Variants in SDAD1 observed in about 807,000 individuals in gnomAD.
SDAD1 encodes the protein SDA1 domain containing 1.
Under a neutral mutation model 100.3 loss-of-function variants are expected in SDAD1, and 79 were observed. The observed-to-expected ratio is 0.79, with a 90% CI of 0.66 to 0.95. SDAD1 has a LOEUF of 0.95. Among genes scored for constraint, SDAD1 ranks in the 40% least tolerant of loss-of-function variants. SDAD1 has a pLI of 0.00. For missense variants in SDAD1, 790 were observed against 810.9 expected, an observed-to-expected ratio of 0.97 and a Z score of 0.31; for synonymous variants, 267 against 271.4, an observed-to-expected ratio of 0.98 and a Z score of 0.16.
intron 16 of SDAD1, among the ~76,000 whole-genome samples, chr4:75,960,517 C>T (rs1341827588): frequency 6.6e-6 from 1 of 152,154 alleles, no homozygotes; most frequent in East Asian, 1.9e-4. Flanking sequence ...TTGCTTATGT[C>T]TCAGGTCAAA....
intron 21 of SDAD1, among the ~76,000 whole-genome samples, chr4:75,953,549 C>A (rs1728725498): frequency 1.3e-5 from 2 of 152,210 alleles, no homozygotes; most frequent in African/African-American, 2.4e-5. Context: ...TCAACAGCTT[C>A]TATTAAAAAT....
At chr4:75,990,277 C>CAA (rs1731166635) in intron 1 of SDAD1, among the ~76,000 whole-genome samples, 2 of 69,998 alleles carry the variant, frequency 2.9e-5, no homozygotes, top group African/African-American at 1.2e-4. Context: ...TTGAGAAACC[C>CAA]CCCCCCCCCC....
intron 7 of SDAD1, among the ~76,000 whole-genome samples, chr4:75,973,603 C>G (rs1188461301): frequency 6.6e-6 from 1 of 152,044 alleles, no homozygotes; most frequent in Non-Finnish European, 1.5e-5. Context: ...AACTGCTAGG[C>G]TCTATATAGT....
intron 3 of SDAD1, 130 bp from the exon 4 acceptor site, chr4:75,977,886 T>G (rs1026968503): frequency 3.3e-5 from 20 of 609,398 alleles, no homozygotes; most frequent in Non-Finnish European, 5.8e-5. Context: ...GAATAGTCAG[T>G]CTCTGCCTTC....
At chr4:75,968,490 TG>T (rs1729678507) in intron 11 of SDAD1, among the ~76,000 whole-genome samples, 1 of 152,190 alleles carries the variant, frequency 6.6e-6, no homozygotes, top group African/African-American at 2.4e-5. Context: ...CTTAAATTTC[TG>T]GGTATCTCTT....
chr4:75,955,488 G>A (rs1376320415), intron 21 of SDAD1, among the ~76,000 whole-genome samples: 1 of 152,184 alleles, frequency 6.6e-6, no homozygotes, highest in Non-Finnish European at 1.5e-5. Flanking sequence ...GGGAGGTCGA[G>A]GCTGCAGTGA....
intron 8 of SDAD1, among the ~76,000 whole-genome samples, chr4:75,972,595 G>A (rs187016468): frequency 6.7e-6 from 1 of 149,674 alleles, no homozygotes; most frequent in Non-Finnish European, 1.5e-5. Context: ...TTTAAAAGAC[G>A]TTATCACATA....
intron 1 of SDAD1, among the ~76,000 whole-genome samples, chr4:75,983,799 C>T (rs1228206190): frequency 3.3e-5 from 5 of 152,232 alleles, no homozygotes; most frequent in African/African-American, 1.2e-4. Flanking sequence ...TTAATTAGAT[C>T]CCATTTGTCA....
intron 13 of SDAD1, 131 bp downstream of exon 13, chr4:75,965,633 C>A (rs141507398): frequency 2.7e-6 from 2 of 754,434 alleles, no homozygotes; most frequent in Non-Finnish European, 4.7e-6. Flanking sequence ...TTTCTCAGAC[C>A]ATCTGACAAG....
intron 20 of SDAD1, 39 bp from the exon 21 acceptor site, chr4:75,956,175 C>T: frequency 6.4e-7 from 1 of 1,571,558 alleles, no homozygotes; most frequent in Non-Finnish European, 8.6e-7. Context: ...TCTTCAACAA[C>T]ATACTTTAGG....
intron 1 of SDAD1, 54 bp from the exon 2 acceptor site, chr4:75,982,091 T>C (rs1730559276): frequency 9.5e-7 from 1 of 1,052,922 alleles, no homozygotes; most frequent in Non-Finnish European, 1.4e-6. Context: ...ACTTTCTCAG[T>C]ACAGACATTC....
chr4:75,973,237 T>G (rs1014752434), intron 8 of SDAD1, 80 bp downstream of exon 8: 45 of 1,127,990 alleles, frequency 4.0e-5, no homozygotes, highest in Non-Finnish European at 5.8e-5. Flanking sequence ...CTTTCTAACT[T>G]CAGCAGTCAT....
At chr4:75,958,312 CAACT>C (rs1314975608) in intron 17 of SDAD1, among the ~76,000 whole-genome samples, 8 of 152,146 alleles carry the variant, frequency 5.3e-5, no homozygotes, top group African/African-American at 1.7e-4. Context: ...TCAACTAAAC[CAACT>C]GTGTCCATCA....
rs201695127 is a variant in SDAD1, at chr4:75,979,478, TA to T, written c.295-1723del. On this transcript the variant is annotated intron_variant, in intron 3 of 21. Coordinates refer to ENST00000356260, the MANE Select transcript of SDAD1 (RefSeq NM_018115.4). ...TAAAGGAAATCTCTATTATTATTATTATTTTTTTTTTTTGAGACAGAGGCTG... is the reference window on the plus strand; with the variant it reads ...TAAAGGAAATCTCTATTATTATTATTTTTTTTTTTTTTGAGACAGAGGCTG... Among the ~76,000 whole-genome samples, 363 of 151,470 alleles carry T rather than the reference TA, an allele frequency of 2.4e-3. 2 individuals carry two copies. Among genetic ancestry groups the T allele is most frequent in the African/African-American group, 7.6e-3 (316 of 41,402 alleles).
intron 21 of SDAD1, among the ~76,000 whole-genome samples, chr4:75,954,525 T>C (rs980871381): frequency 6.6e-6 from 1 of 151,954 alleles, no homozygotes; most frequent in Non-Finnish European, 1.5e-5. Flanking sequence ...ATACAAAAAT[T>C]AGCCGGGTGT....
chr4:75,955,344 AC>A (rs11374736), intron 21 of SDAD1, among the ~76,000 whole-genome samples: 2 of 152,018 alleles, frequency 1.3e-5, no homozygotes, highest in South Asian at 2.1e-4. Context: ...GAAGGCGGTG[AC>A]CCCCCTGGAC....
intron 1 of SDAD1, among the ~76,000 whole-genome samples, chr4:75,989,550 C>T (rs1008464581): frequency 6.6e-6 from 1 of 152,224 alleles, no homozygotes; most frequent in East Asian, 1.9e-4. Flanking sequence ...GTAGTTATTA[C>T]CCCCTTCTTA....
intron 14 of SDAD1, among the ~76,000 whole-genome samples, chr4:75,963,726 T>A (rs1226361693): frequency 6.6e-6 from 1 of 152,116 alleles, no homozygotes; most frequent in African/African-American, 2.4e-5. Context: ...CTTCTGCCAA[T>A]GATGCAGCAA....
At position 75,953,082 on chromosome 4, in the gene SDAD1, G is replaced by C. The variant is rs555919648; in HGVS notation, c.2017-2285C>G. On this transcript the variant is annotated intron_variant, in intron 21 of 21. Transcript: ENST00000356260. ...TCTTGAAGAAAATACAGGGCAAAGG[G>C]ACACACATAGAAATTCTGATTAATA... Among the ~76,000 whole-genome samples the C allele has an allele frequency of 3.3e-5, 5 of 152,214 alleles. No homozygotes were observed. The East Asian group carries it at 9.6e-4, about 29-fold the overall frequency.
Sources: allele counts gnomAD v4.1 joint callset (sites outside exome capture counted in the v4.1 genomes callset), GRCh38; gene constraint gnomAD v4.1.1; transcripts MANE v1.5; gene names NCBI Gene and HGNC (gene_info 2026-07-23, HGNC 2026-07-21).